The following ALDH16A1 variants were observed in gnomAD, a reference collection of about 807,000 sequenced individuals.
The protein encoded by ALDH16A1 is aldehyde dehydrogenase family 16 member A1.
A neutral mutation model predicts 96.1 loss-of-function variants in ALDH16A1; 88 were observed. That is an observed-to-expected ratio of 0.92 (90% confidence interval 0.77 to 1.09). The LOEUF (loss-of-function observed/expected upper bound fraction) is 1.09. Among genes scored for constraint, ALDH16A1 ranks in the 50% least tolerant of loss-of-function variants. The pLI, the probability that ALDH16A1 is intolerant of heterozygous loss-of-function variation, is 0.00. For synonymous variants in ALDH16A1, 522 were observed against 496.4 expected (o/e 1.05, Z -0.69); for missense variants, 1,250 against 1,112.6 (o/e 1.12, Z -1.76).
chr19:49,466,325 G>T lies in ALDH16A1; in HGVS notation c.1938+42G>T, dbSNP rs371827008. 1,023 of 1,423,360 alleles carry T rather than the reference G, an allele frequency of 7.2e-4. 12 individuals are homozygous for T. In the Middle Eastern group the frequency reaches 9.7e-3, roughly 14 times the overall value. The allele number at this position is 1,423,360 out of a possible 1,614,324, so 88.2% of individuals were successfully genotyped here. On this transcript the variant is annotated intron_variant, in intron 14 of 16. Coordinates refer to ENST00000293350, the MANE Select transcript of ALDH16A1 (RefSeq NM_153329.4). ...CACCTGGGCCAGCTGGGCAGGCGGG[G>T]TGGGGCTCAGACCAGAGGCTGTGAG...
At chr19:49,457,337 G>T (rs2079110548) in intron 1 of ALDH16A1, among the ~76,000 whole-genome samples, 1 of 151,806 alleles carries the variant, frequency 6.6e-6, no homozygotes, top group African/African-American at 2.4e-5. Context: ...CACGAGGTCA[G>T]GAGATCAAGA....
chr19:49,460,714 A>AGTT, intron 4 of ALDH16A1, 108 bp from the exon 5 acceptor site: 1 of 652,730 alleles, frequency 1.5e-6, no homozygotes, highest in Admixed American at 2.8e-5. Flanking sequence ...ACACCCGGCC[A>AGTT]TTTTTTTTTT....
chr19:49,463,941 C>T lies in ALDH16A1; in HGVS notation c.1186C>T (p.Gln396Ter), dbSNP rs1045235093. Residue 396 changes from glutamine to a stop codon, truncating the protein, a stop_gained, in exon 9 of 17, where the codon CAG (glutamine) becomes TAG (stop). Coordinates refer to ENST00000293350, the MANE Select transcript of ALDH16A1 (RefSeq NM_153329.4). LOFTEE classifies it high-confidence loss of function. ...SNLPPASPCA[Q>*]VEVPWPVVVA... ...CCTGCCCCCAGCCTCCCCATGTGCC[C>T]AGGTGGAGGTGAGACCCTTAAGGCT... The T allele has an allele frequency of 1.2e-6, 2 of 1,609,394 alleles. No individual in the cohort carries two copies. Among genetic ancestry groups the T allele is most frequent in the Admixed American group, 1.7e-5 (1 of 59,460 alleles).
chr19:49,467,282 A>G (rs1379713524), intron 14 of ALDH16A1, among the ~76,000 whole-genome samples: 1 of 151,954 alleles, frequency 6.6e-6, no homozygotes, highest in African/African-American at 2.4e-5. Flanking sequence ...TGACCTCCCA[A>G]AGTGCTGGGA....
Position 49,465,725 on chromosome 19 carries a change from CACCCT to C in ALDH16A1, c.1569-10_1569-6del. On this transcript the variant is annotated splice_region_variant and splice_polypyrimidine_tract_variant and intron_variant, in intron 12 of 16. Transcript: ENST00000293350. Reference sequence around the variant, plus strand: ...GGCCCCAGGACTCCTCCTCATGTCCCACCCTACTCCAGCCCAGCACCCCCCTATGG... The same window carrying C: ...GGCCCCAGGACTCCTCCTCATGTCCCACTCCAGCCCAGCACCCCCCTATGG... The C allele has an allele frequency of 1.9e-6, 3 of 1,607,474 alleles. No individual in the cohort carries two copies. The highest frequency in any genetic ancestry group is 2.6e-6 in the Non-Finnish European group (3 of 1,175,902).
intron 10 of ALDH16A1, 23 bp downstream of exon 10, chr19:49,464,286 C>T: frequency 6.3e-7 from 1 of 1,597,636 alleles, no homozygotes; most frequent in Non-Finnish European, 8.5e-7. Flanking sequence ...GGCCCGGGCG[C>T]TCACTCCTCT....
intron 5 of ALDH16A1, among the ~76,000 whole-genome samples, chr19:49,461,154 C>G (rs1341992401): frequency 7.4e-6 from 1 of 136,018 alleles, no homozygotes; most frequent in African/African-American, 3.1e-5. Context: ...GGAGTCTGGA[C>G]TCCTGGGTCT....
chr19:49,464,627 C>T lies in ALDH16A1; in HGVS notation c.1438-5C>T, dbSNP rs776728408. On this transcript the variant is annotated splice_region_variant and splice_polypyrimidine_tract_variant and intron_variant, in intron 11 of 16. Transcript: ENST00000293350. ...TGCATCCTCTTGACACCGTCCCTCT[C>T]ACAGGGGCTGTATGAGTATCTGCGG... The T allele has an allele frequency of 3.1e-6, 5 of 1,614,150 alleles. 1 individual carries two copies. Among genetic ancestry groups the T allele is most frequent in the Middle Eastern group, 1.6e-4 (1 of 6,062 alleles).
At chr19:49,457,985 G>A (rs946224626) in intron 1 of ALDH16A1, among the ~76,000 whole-genome samples, 17 of 152,136 alleles carry the variant, frequency 1.1e-4, no homozygotes, top group Non-Finnish European at 4.4e-5. Flanking sequence ...AGGCCAAGGC[G>A]TGCAGATCAC....
chr19:49,460,999 TGGACTCTGTGGAA>T, intron 5 of ALDH16A1, 100 bp downstream of exon 5: 1 of 1,288,696 alleles, frequency 7.8e-7, no homozygotes, highest in Non-Finnish European at 1.1e-6. Context: ...GCTGGAGGCC[TGGACTCTGTGGAA>T]GGAGTCTGTG....
intron 14 of ALDH16A1, among the ~76,000 whole-genome samples, chr19:49,466,620 C>T (rs982889577): frequency 3.3e-5 from 5 of 151,730 alleles, no homozygotes; most frequent in Non-Finnish European, 7.4e-5. Flanking sequence ...CAGTACTTCG[C>T]GAGGCTGAGG....
intron 16 of ALDH16A1, 58 bp downstream of exon 16, chr19:49,469,044 T>G (rs2079223596): frequency 6.4e-7 from 1 of 1,561,014 alleles, no homozygotes; most frequent in Non-Finnish European, 8.7e-7. Context: ...AGGCTCCTCC[T>G]TTTCTGGAAA....
intron 1 of ALDH16A1, 140 bp downstream of exon 1, chr19:49,453,561 G>C (rs777344124): frequency 5.0e-6 from 4 of 806,884 alleles, no homozygotes; most frequent in East Asian, 2.7e-5. Flanking sequence ...CCGCCCAATA[G>C]GATCGCGCCC....
intron 12 of ALDH16A1, among the ~76,000 whole-genome samples, chr19:49,465,200 C>T (rs148828639): frequency 2.7e-5 from 4 of 148,650 alleles, no homozygotes; most frequent in African/African-American, 7.8e-5. Flanking sequence ...CTTAGGGTCC[C>T]CCAGAGGCTC....
At chr19:49,458,287 G>A (rs2122372188) in intron 1 of ALDH16A1, among the ~76,000 whole-genome samples, 199 bp from the exon 2 acceptor site, 1 of 152,210 alleles carries the variant, frequency 6.6e-6, no homozygotes, top group Non-Finnish European at 1.5e-5. Context: ...TAAATGCACA[G>A]AATGCCACTA....
chr19:49,459,861 A>AGTCC lies in ALDH16A1; in HGVS notation c.499+14_499+17dup. 1 of 1,611,864 alleles carries AGTCC rather than the reference A, an allele frequency of 6.2e-7. No homozygotes were observed. The highest frequency in any genetic ancestry group is 1.3e-5 in the African/African-American group (1 of 74,940). On this transcript the variant is annotated intron_variant, in intron 4 of 16. Transcript: ENST00000293350. The surrounding 1 kb of genome is among the most constrained non-coding windows in gnomAD (Gnocchi z 4.1). The stretch of plus-strand genomic sequence containing the variant: ...TGGGAGCCCATGGGTGAGACCCTGG[A>AGTCC]GTCCCTAGCCCTATCCTCCCACATG...
Position 49,468,473 on chromosome 19 carries a change from C to G in ALDH16A1, c.2031C>G (p.Phe677Leu), listed in dbSNP as rs187058132. The change falls in exon 15 of 17, where the codon TTC becomes TTG. Residue 677 changes from phenylalanine (F) to leucine (L), a missense_variant. Phe to Leu is a conservative substitution (Grantham distance 22). Coordinates refer to ENST00000293350, the MANE Select transcript of ALDH16A1 (RefSeq NM_153329.4). This position sits in a 1 kb window ranked among gnomAD's most constrained non-coding sequence, Gnocchi z 4.4. ...VCPDEWPLLA[F>L]VSLLAPALAY... is the part of the protein sequence containing the mutation. ...CGGACGAGTGGCCCCTGCTTGCCTT[C>G]GTGTCCCTGCTGGCTCCCGCCCTGG... The G allele has an allele frequency of 4.4e-6, 7 of 1,602,596 alleles. No individual in the cohort carries two copies. Among genetic ancestry groups the G allele is most frequent in the Admixed American group, 1.7e-5 (1 of 59,986 alleles).
intron 1 of ALDH16A1, among the ~76,000 whole-genome samples, chr19:49,455,321 C>G (rs2079098782): frequency 6.7e-6 from 1 of 148,906 alleles, no homozygotes; most frequent in African/African-American, 2.5e-5. Context: ...GAGGCTGGGG[C>G]AGGAGAATCG....
rs1405698413 is a variant in ALDH16A1, at chr19:49,459,568, CAG to C, written c.321-101_321-100del. 3.7e-6 allele frequency: 5 copies of C among 1,365,172 alleles called. No homozygotes were observed. In the African/African-American group the frequency reaches 7.4e-5, roughly 20 times the overall value. The allele number at this position is 1,365,172 out of a possible 1,614,324, so 84.6% of individuals were successfully genotyped here. A position where few individuals can be genotyped will look rare whatever the true frequency, so the allele number is the denominator to read the frequency against. ...CCCCAGGTAAATGGTGGGGATGCCTCAGGGGCTCATGGGGATTGTAGTCCAGG... is the reference window on the plus strand; with the variant it reads ...CCCCAGGTAAATGGTGGGGATGCCTCGGGCTCATGGGGATTGTAGTCCAGG... On this transcript the variant is annotated intron_variant, in intron 3 of 16. Transcript: ENST00000293350. This position sits in a 1 kb window ranked among gnomAD's most constrained non-coding sequence, Gnocchi z 4.1.
Sources: gnomAD v4.1 joint callset for allele counts (sites outside exome capture counted in the v4.1 genomes callset) on GRCh38, gnomAD v4.1.1 for gene constraint, Gnocchi (gnomAD v3.1) non-coding constraint, MANE v1.5 for transcripts, NCBI Gene and HGNC (gene_info 2026-07-23, HGNC 2026-07-21) for gene names.